Variants in LDLRAD3 observed in about 807,000 individuals in gnomAD.
LDLRAD3 encodes low density lipoprotein receptor class A domain containing 3.
LDLRAD3 carries 20 observed loss-of-function variants against 29.4 expected under a neutral mutation model. The observed-to-expected ratio is 0.68, with a 90% CI of 0.48 to 0.99. The LOEUF (loss-of-function observed/expected upper bound fraction) is 0.99, where lower values mean the gene tolerates loss of function less well. Among genes scored for constraint, LDLRAD3 ranks in the 50% least tolerant of loss-of-function variants. LDLRAD3 has a pLI of 0.00. For missense variants in LDLRAD3, 420 were observed against 454.3 expected, an observed-to-expected ratio of 0.92 and a Z score of 0.69; for synonymous variants, 157 against 192.7, an observed-to-expected ratio of 0.81 and a Z score of 1.53.
chr11:36,189,831 T>C (rs548666482), intron 4 of LDLRAD3, among the ~76,000 whole-genome samples: 4 of 152,308 alleles, frequency 2.6e-5, no homozygotes, highest in African/African-American at 9.6e-5. Flanking sequence ...ATGTGGTGTT[T>C]GGTTTTTTGT....
At chr11:36,143,093 G>A (rs564630336) in intron 4 of LDLRAD3, among the ~76,000 whole-genome samples, 2 of 152,320 alleles carry the variant, frequency 1.3e-5, no homozygotes, top group East Asian at 1.9e-4. Flanking sequence ...CCAGTGAGGC[G>A]GGTGGGGTTA....
At chr11:36,041,876 G>A (rs1852386155) in intron 2 of LDLRAD3, among the ~76,000 whole-genome samples, 1 of 151,658 alleles carries the variant, frequency 6.6e-6, no homozygotes, top group African/African-American at 2.4e-5. Context: ...GGTGTGTTTG[G>A]TTGAGGGGGG....
At chr11:36,033,897 A>G (rs1233570028) in intron 1 of LDLRAD3, among the ~76,000 whole-genome samples, 9 of 152,148 alleles carry the variant, frequency 5.9e-5, no homozygotes, top group African/African-American at 2.2e-4. Flanking sequence ...TTAATTAGGG[A>G]TGGCTGACTT....
chr11:36,104,270 C>T (rs1853494043), intron 4 of LDLRAD3, among the ~76,000 whole-genome samples: 1 of 152,174 alleles, frequency 6.6e-6, no homozygotes, highest in African/African-American at 2.4e-5. Context: ...GAAGTGGGTC[C>T]TCCCCTAGTC....
intron 4 of LDLRAD3, among the ~76,000 whole-genome samples, chr11:36,152,135 C>G (rs951427082): frequency 1.3e-5 from 2 of 152,194 alleles, no homozygotes; most frequent in Non-Finnish European, 2.9e-5. Context: ...GAAATGCTCT[C>G]TTTCCCTCCA....
At chr11:36,051,000 C>G (rs1852518254) in intron 2 of LDLRAD3, among the ~76,000 whole-genome samples, 1 of 152,114 alleles carries the variant, frequency 6.6e-6, no homozygotes, top group Non-Finnish European at 1.5e-5. Flanking sequence ...ATGAGGGCTC[C>G]ACCCTCATGA....
chr11:36,132,880 A>C (rs937146192), intron 4 of LDLRAD3, among the ~76,000 whole-genome samples: 1 of 152,230 alleles, frequency 6.6e-6, no homozygotes. Flanking sequence ...TTTGGTCCTC[A>C]GCTCTGTGGC....
At chr11:36,009,386 G>C (rs190359699) in intron 1 of LDLRAD3, among the ~76,000 whole-genome samples, 61 of 152,292 alleles carry the variant, frequency 4.0e-4, no homozygotes, top group Non-Finnish European at 7.5e-4. Flanking sequence ...TGCAGGATCT[G>C]GTTGTCTATC....
chr11:36,092,000 A>G (rs1326250799), intron 3 of LDLRAD3, among the ~76,000 whole-genome samples: 1 of 152,150 alleles, frequency 6.6e-6, no homozygotes, highest in Non-Finnish European at 1.5e-5. Flanking sequence ...GAAGAAATGT[A>G]GTGAAATCTG....
intron 4 of LDLRAD3, among the ~76,000 whole-genome samples, chr11:36,115,797 C>T (rs1697428279): frequency 6.6e-6 from 1 of 152,156 alleles, no homozygotes; most frequent in African/African-American, 2.4e-5. Context: ...TTTCTCTGTG[C>T]CAGGCCTGTG....
chr11:36,053,760 C>T (rs56121582), intron 2 of LDLRAD3, among the ~76,000 whole-genome samples: 2,304 of 152,284 alleles, frequency 0.015, 69 homozygotes, highest in African/African-American at 0.053. Flanking sequence ...GTGCCCTTGA[C>T]ACTGCGAATG....
intron 3 of LDLRAD3, among the ~76,000 whole-genome samples, chr11:36,086,352 G>T (rs572524828): frequency 4.6e-5 from 7 of 152,182 alleles, no homozygotes; most frequent in Non-Finnish European, 8.8e-5. Flanking sequence ...ATTATTATGT[G>T]TGACACTCTG....
intron 4 of LDLRAD3, among the ~76,000 whole-genome samples, chr11:36,115,380 G>T (rs984238662): frequency 6.6e-6 from 1 of 152,210 alleles, no homozygotes; most frequent in Non-Finnish European, 1.5e-5. Context: ...GCATCTCCTT[G>T]CTGCATCGTC....
intron 1 of LDLRAD3, among the ~76,000 whole-genome samples, chr11:35,969,072 G>T (rs573942775): frequency 1.6e-4 from 24 of 152,006 alleles, no homozygotes; most frequent in Non-Finnish European, 1.5e-4. Context: ...GCCTCAGACT[G>T]GGGGGCACTT....
chr11:36,078,090 T>A (rs1404649944), intron 2 of LDLRAD3, among the ~76,000 whole-genome samples: 1 of 152,108 alleles, frequency 6.6e-6, no homozygotes, highest in African/African-American at 2.4e-5. Context: ...CTCTGCAGCT[T>A]GTCCTGTTGT....
At chr11:36,167,282 G>A (rs76772096) in intron 4 of LDLRAD3, among the ~76,000 whole-genome samples, 2,995 of 152,150 alleles carry the variant, frequency 0.02, 96 homozygotes, top group African/African-American at 0.063. Flanking sequence ...GATGAGGCCC[G>A]CCCACACTAT....
intron 2 of LDLRAD3, among the ~76,000 whole-genome samples, chr11:36,076,219 TCC>T (rs1852997892): frequency 1.5e-5 from 1 of 66,796 alleles, no homozygotes; most frequent in East Asian, 3.7e-4. Context: ...TGTCTGTCCA[TCC>T]GTCCATCCAT....
intron 3 of LDLRAD3, among the ~76,000 whole-genome samples, chr11:36,093,123 G>A (rs1215764952): frequency 6.6e-6 from 1 of 152,144 alleles, no homozygotes; most frequent in African/African-American, 2.4e-5. Context: ...GCTTTATGAT[G>A]GGAGAGTAAA....
intron 1 of LDLRAD3, among the ~76,000 whole-genome samples, chr11:36,027,268 T>A (rs546621589): frequency 6.1e-4 from 93 of 152,332 alleles, no homozygotes; most frequent in Admixed American, 5.9e-3. Context: ...ATATATTAAG[T>A]GGCTATTTGA....
Sources: gnomAD v4.1 joint callset for allele counts (sites outside exome capture counted in the v4.1 genomes callset) on GRCh38, gnomAD v4.1.1 for gene constraint, MANE v1.5 for transcripts, NCBI Gene and HGNC (gene_info 2026-07-23, HGNC 2026-07-21) for gene names.